JAG1: variants seen among roughly 807,000 people sequenced by gnomAD.
JAG1 encodes the protein protein jagged-1.
In JAG1, 23 loss-of-function variants were observed where a neutral mutation model predicts 148.7. The observed-to-expected ratio is 0.15, with a 90% CI of 0.11 to 0.22. JAG1 has a LOEUF of 0.22. Among genes scored for constraint, JAG1 ranks in the 10% least tolerant of loss-of-function variants. JAG1 has a pLI of 1.00. For synonymous variants in JAG1, 572 were observed against 598.3 expected (o/e 0.96, Z 0.64); for missense variants, 1,054 against 1,611.2 (o/e 0.65, Z 5.92).
At chr20:10,649,022 C>A in intron 11 of JAG1, 39 bp downstream of exon 11, 2 of 1,521,326 alleles carry the variant, frequency 1.3e-6, no homozygotes, top group South Asian at 2.2e-5. Flanking sequence ...GATTTGTTGT[C>A]AATTGTCAAA....
At chr20:10,647,934 G>C (rs1343133535) in intron 13 of JAG1, 26 bp downstream of exon 13, 2 of 1,613,338 alleles carry the variant, frequency 1.2e-6, no homozygotes, top group Admixed American at 3.3e-5. Context: ...TCTGGAGACA[G>C]CCAGGTCCCG....
Position 10,652,554 on chromosome 20 carries a change from G to C in JAG1, c.800C>G (p.Pro267Arg), listed in dbSNP as rs1202594934. 1.9e-6 allele frequency: 3 copies of C among 1,614,036 alleles called. No homozygotes were observed. Among genetic ancestry groups the C allele is most frequent in the Non-Finnish European group, 2.5e-6 (3 of 1,179,950 alleles). ...WQGLYCDKCI[P>R]HPGCVHGICN... ...GATGCCGTGGACGCATCCCGGGTGT[G>C]GGATGCACTTATCACAGTACAGGCC... is the stretch of plus-strand genomic sequence containing the variant. Residue 267 changes from proline to arginine, a missense_variant, in exon 6 of 26, where the codon CCA becomes CGA. Coordinates refer to ENST00000254958, the MANE Select transcript of JAG1 (RefSeq NM_000214.3).
At position 10,645,892 on chromosome 20, in the gene JAG1, A is replaced by G. The variant is rs906419203; in HGVS notation, c.1999+79T>C. ...GCTTCCAGAGATTTCCAGTACAAAG[A>G]AAGTTTTCCCACGTTGAAGTGGGAT... On this transcript the variant is annotated intron_variant, in intron 15 of 25. Coordinates refer to ENST00000254958, the MANE Select transcript of JAG1 (RefSeq NM_000214.3). The surrounding 1 kb of genome is among the most constrained non-coding windows in gnomAD (Gnocchi z 6.1). 3 of 984,078 alleles carry G rather than the reference A, an allele frequency of 3.0e-6. No homozygotes were observed. The highest frequency in any genetic ancestry group is 4.9e-6 in the Non-Finnish European group (3 of 606,262). 61.0% of individuals were successfully genotyped at this position (984,078 alleles called of 1,614,324 possible).
intron 5 of JAG1, among the ~76,000 whole-genome samples, chr20:10,653,276 GAAAAA>G (rs534278818): frequency 5.0e-5 from 7 of 139,010 alleles, no homozygotes; most frequent in Non-Finnish European, 1.1e-4. Context: ...GCCAAGAAAA[GAAAAA>G]AAAAAGAAAG....
chr20:10,656,482 G>A lies in JAG1; in HGVS notation c.695-24C>T. On this transcript the variant is annotated intron_variant, in intron 4 of 25. Transcript: ENST00000254958. The stretch of plus-strand genomic sequence containing the variant: ...AGCTGTAAAAAACAGAGAAGGGCGT[G>A]TCAGCACACTGCCTGTTCCTTGCAT... 1.9e-6 allele frequency: 3 copies of A among 1,607,328 alleles called. 1 individual carries two copies. The highest frequency in any genetic ancestry group is 2.6e-6 in the Non-Finnish European group (3 of 1,174,062).
At chr20:10,653,464 T>C (rs2122616321) in intron 5 of JAG1, among the ~76,000 whole-genome samples, 1 of 150,766 alleles carries the variant, frequency 6.6e-6, no homozygotes, top group Non-Finnish European at 1.5e-5. Flanking sequence ...CAAACCACTC[T>C]CCCTTGAATT....
chr20:10,663,257 G>A (rs1457421121), intron 3 of JAG1, among the ~76,000 whole-genome samples: 1 of 152,178 alleles, frequency 6.6e-6, no homozygotes, highest in African/African-American at 2.4e-5. Flanking sequence ...AAGGGAACTT[G>A]AAGTTTCGGC....
intron 20 of JAG1, 133 bp downstream of exon 20, chr20:10,643,645 G>T: frequency 1.3e-6 from 1 of 758,248 alleles, no homozygotes; most frequent in Non-Finnish European, 2.3e-6. Flanking sequence ...CCAGCTGGAG[G>T]AGAGAGATCC....
At position 10,644,946 on chromosome 20, in the gene JAG1, T is replaced by A; in HGVS notation, c.2261A>T (p.His754Leu). 6.2e-7 allele frequency: 1 copy of A among 1,614,128 alleles called. No individual in the cohort carries two copies. The highest frequency in any genetic ancestry group is 8.5e-7 in the Non-Finnish European group (1 of 1,180,006). ...GTTGACCACACATGTGCCCCCATTA[T>A]GGCAGGGGTTGGGCAGGCAGCTACT... ...RNSSCLPNPCHNGGTCVVNGE... is the reference protein window; with the variant it reads ...RNSSCLPNPCLNGGTCVVNGE... The change falls in exon 18 of 26, where the codon CAT becomes CTT. Residue 754 changes from histidine (H) to leucine (L), a missense_variant. His to Leu is a moderately conservative substitution (Grantham distance 99). Transcript: ENST00000254958.
chr20:10,639,502 A>T lies in JAG1; in HGVS notation c.3653T>A (p.Val1218Glu), dbSNP rs1342147795. The T allele has an allele frequency of 1.2e-6, 2 of 1,613,918 alleles. No homozygotes were observed. Among genetic ancestry groups the T allele is most frequent in the African/African-American group, 2.7e-5 (2 of 74,912 alleles). ...GGCGGCAGTGCCCGCGGTCTGCTATACGATGTACTCCATTCGGTTTAAGCT... is the reference window on the plus strand; with the variant it reads ...GGCGGCAGTGCCCGCGGTCTGCTATTCGATGTACTCCATTCGGTTTAAGCT... ...AQSLNRMEYI[V>E] Residue 1218 changes from valine to glutamate, a missense_variant, in exon 26 of 26, where the codon GTA becomes GAA. Val to Glu is a moderately radical substitution (Grantham distance 121). Around this residue, in one of 6 missense-constraint regions of JAG1, gnomAD observed 177 missense variants for 177.3 expected, o/e 1.00. Coordinates refer to ENST00000254958, the MANE Select transcript of JAG1 (RefSeq NM_000214.3).
intron 2 of JAG1, among the ~76,000 whole-genome samples, chr20:10,669,356 G>GC (rs908316752): frequency 1.9e-4 from 29 of 151,736 alleles, no homozygotes; most frequent in African/African-American, 6.8e-4. Flanking sequence ...CCATCCTTAA[G>GC]CCCTCCATGT....
chr20:10,639,888 G>C lies in JAG1; in HGVS notation c.3267C>G (p.Phe1089Leu). 1 of 1,614,228 alleles carries C rather than the reference G, an allele frequency of 6.2e-7. No homozygotes were observed. The highest frequency in any genetic ancestry group is 8.5e-7 in the Non-Finnish European group (1 of 1,180,040). The change falls in exon 26 of 26, where the codon TTC becomes TTG. Residue 1089 changes from phenylalanine (F) to leucine (L), a missense_variant. This residue lies in a region of JAG1 where 177 missense variants were observed against 177.3 expected (regional missense o/e 1.00). Transcript: ENST00000254958. ...TCCGCCGCTTCCGCAGGCACCAGTA[G>C]AAGGCCGTCACCAAGCAACAGATCC... ...VAWICCLVTA[F>L]YWCLRKRRKP...
intron 8 of JAG1, 65 bp downstream of exon 8, chr20:10,651,516 C>A: frequency 9.1e-7 from 1 of 1,096,472 alleles, no homozygotes; most frequent in Non-Finnish European, 1.4e-6. Flanking sequence ...CTAGGTACCT[C>A]TCCCCAGCGT....
intron 2 of JAG1, among the ~76,000 whole-genome samples, chr20:10,670,539 C>T (rs575076503): frequency 3.9e-5 from 6 of 152,194 alleles, no homozygotes; most frequent in East Asian, 1.9e-4. Flanking sequence ...GTTTCAGTTA[C>T]GTTTCTACTC....
At position 10,663,662 on chromosome 20, in the gene JAG1, A is replaced by G. The variant is rs544233392; in HGVS notation, c.439+301T>C. On this transcript the variant is annotated intron_variant, in intron 3 of 25. Coordinates refer to ENST00000254958, the MANE Select transcript of JAG1 (RefSeq NM_000214.3). Reference sequence around the variant, plus strand: ...AGTCACTACTTTGATCCTTTAGCAGACTACAAGGTTTTAAAGTTGTAAAAC... The same window carrying G: ...AGTCACTACTTTGATCCTTTAGCAGGCTACAAGGTTTTAAAGTTGTAAAAC... Among the ~76,000 whole-genome samples, 5 of 152,340 alleles carry G rather than the reference A, an allele frequency of 3.3e-5. No individual in the cohort carries two copies. In the East Asian group the frequency reaches 9.6e-4, roughly 29 times the overall value.
In JAG1 at chr20:10,643,727, T is replaced by C. The variant is rs372199268; in HGVS notation, c.2458+51A>G. ...AAGATGAAAGTCTTGGGGTGAGGCA[T>C]GGAATGAAGCGGTAAAGCCATTGGG... On this transcript the variant is annotated intron_variant, in intron 20 of 25. Transcript: ENST00000254958. 94 of 1,405,386 alleles carry C rather than the reference T, an allele frequency of 6.7e-5. No individual in the cohort carries two copies. In the Middle Eastern group the frequency reaches 7.0e-4, roughly 10 times the overall value. 87.1% of individuals were successfully genotyped at this position (1,405,386 alleles called of 1,614,324 possible).
Position 10,645,595 on chromosome 20 carries a change from C to CT in JAG1, c.2000-127dup, listed in dbSNP as rs1568794476. 1 of 793,046 alleles carries CT rather than the reference C, an allele frequency of 1.3e-6. No homozygotes were observed. Among genetic ancestry groups the CT allele is most frequent in the East Asian group, 2.6e-5 (1 of 38,314 alleles). The allele number at this position is 793,046 out of a possible 1,614,324, so 49.1% of individuals were successfully genotyped here. On this transcript the variant is annotated intron_variant, in intron 15 of 25. Coordinates refer to ENST00000254958, the MANE Select transcript of JAG1 (RefSeq NM_000214.3). This position sits in a 1 kb window ranked among gnomAD's most constrained non-coding sequence, Gnocchi z 6.1. ...TCTGAGAACAGCCACAGTCGTAGTA[C>CT]TTTAACACAATCAGGCTTTTCCAGG... is the stretch of plus-strand genomic sequence containing the variant.
At chr20:10,670,751 G>A (rs1280689793) in intron 2 of JAG1, among the ~76,000 whole-genome samples, 1 of 152,108 alleles carries the variant, frequency 6.6e-6, no homozygotes, top group Non-Finnish European at 1.5e-5. Flanking sequence ...ATTTTCAGTG[G>A]TGCCCCATCG....
intron 13 of JAG1, 89 bp downstream of exon 13, chr20:10,647,871 C>T (rs2067319903): frequency 7.2e-7 from 1 of 1,397,178 alleles, no homozygotes; most frequent in South Asian, 1.2e-5. Context: ...CAATACATTA[C>T]TTCTCAAGTG....
Sources: allele counts gnomAD v4.1 joint callset (sites outside exome capture counted in the v4.1 genomes callset), GRCh38; gene constraint gnomAD v4.1.1; regional missense constraint gnomAD v4.1.1; non-coding constraint Gnocchi (gnomAD v3.1); transcripts MANE v1.5; gene names NCBI Gene and HGNC (gene_info 2026-07-23, HGNC 2026-07-21).